MAPT: variants seen among roughly 807,000 people sequenced by gnomAD.
The protein encoded by MAPT is microtubule-associated protein tau.
A neutral mutation model predicts 67.9 loss-of-function variants in MAPT; 34 were observed. That is an observed-to-expected ratio of 0.50 (90% CI 0.38 to 0.67). The LOEUF is 0.67. Ranked by LOEUF, MAPT falls within the 30% of genes least tolerant of loss-of-function variation. The pLI is 0.00. For missense variants in MAPT, 881 were observed against 1,115.2 expected, an observed-to-expected ratio of 0.79 and a Z score of 2.99; for synonymous variants, 456 against 464.5, an observed-to-expected ratio of 0.98 and a Z score of 0.23.
At chr17:45,924,549 C>A (rs969635534) in intron 1 of MAPT, among the ~76,000 whole-genome samples, 5 of 152,224 alleles carry the variant, frequency 3.3e-5, no homozygotes, top group Admixed American at 3.3e-4. Flanking sequence ...CCCTGGGGTG[C>A]CTGTGATGCC....
At chr17:45,948,245 A>G (rs1402030889) in intron 1 of MAPT, among the ~76,000 whole-genome samples, 2 of 152,102 alleles carry the variant, frequency 1.3e-5, no homozygotes, top group Non-Finnish European at 2.9e-5. Flanking sequence ...GCCTCAAGTG[A>G]TCTGCCCACC....
intron 1 of MAPT, among the ~76,000 whole-genome samples, chr17:45,903,938 A>C (rs2063871914): frequency 4.4e-5 from 1 of 22,876 alleles, no homozygotes; most frequent in African/African-American, 1.7e-4. Context: ...TTATATATTT[A>C]TATATAATAT....
At chr17:45,943,877 CG>C (rs1157643107) in intron 1 of MAPT, among the ~76,000 whole-genome samples, 2 of 152,184 alleles carry the variant, frequency 1.3e-5, no homozygotes, top group Admixed American at 1.3e-4. Context: ...GAGACCTTCC[CG>C]GAAGTTGCCC....
chr17:45,922,342 T>A (rs1444315632), intron 1 of MAPT, among the ~76,000 whole-genome samples: 2 of 152,156 alleles, frequency 1.3e-5, no homozygotes, highest in Non-Finnish European at 2.9e-5. Flanking sequence ...TAACTAGGGA[T>A]GTTTTATCAA....
chr17:45,966,351 G>A (rs117977938), intron 2 of MAPT, among the ~76,000 whole-genome samples: 1 of 152,154 alleles, frequency 6.6e-6, no homozygotes, highest in Non-Finnish European at 1.5e-5. Flanking sequence ...ACTTCGGAAG[G>A]CTGAGGCAGG....
At chr17:45,997,569 C>G (rs536129506) in intron 9 of MAPT, among the ~76,000 whole-genome samples, 1 of 152,246 alleles carries the variant, frequency 6.6e-6, no homozygotes, top group East Asian at 1.9e-4. Context: ...ACCAACCTGA[C>G]CAACAGGGTG....
chr17:45,935,096 A>G (rs946396220), intron 1 of MAPT, among the ~76,000 whole-genome samples: 2 of 152,170 alleles, frequency 1.3e-5, no homozygotes, highest in African/African-American at 4.8e-5. Context: ...AGAGCCCCTC[A>G]TGAGAATTTG....
rs1426205227 is a variant in MAPT, at chr17:45,915,282, TG to T, written c.-18+20601del. 4.0e-5 allele frequency among the ~76,000 whole-genome samples: 6 copies of T among 149,192 alleles called. No individual in the cohort carries two copies. The highest frequency in any genetic ancestry group is 2.0e-4 in the East Asian group (1 of 5,018). On this transcript the variant is annotated intron_variant, in intron 1 of 12. Coordinates refer to ENST00000262410, the MANE Select transcript of MAPT (RefSeq NM_001377265.1). The surrounding 1 kb of genome is among the most constrained non-coding windows in gnomAD (Gnocchi z 4.4). ...AGCATGAGTGTGTATGTGTGTGGTG[TG>T]GGGGTGTGTGCTGTGTGAGCGTGTG...
rs1456103222 is a variant in MAPT, at chr17:45,983,399, G to A, written c.820G>A (p.Glu274Lys). 3.1e-6 allele frequency: 5 copies of A among 1,607,500 alleles called. No individual in the cohort carries two copies. The South Asian group carries it at 5.5e-5, about 18-fold the overall frequency. Residue 274 changes from glutamate (E) to lysine (K), a missense_variant, in exon 5 of 13, where the codon GAG becomes AAG. Glu to Lys is a moderately conservative substitution (Grantham distance 56). This residue lies in a region of MAPT where 687 missense variants were observed against 766.1 expected (regional missense o/e 0.90). Coordinates refer to ENST00000262410, the MANE Select transcript of MAPT (RefSeq NM_001377265.1). ...CCAGCTTCTAGGAGACCTGCACCAGGAGGGGCCGCCGCTGAAGGGGGCAGG... is the reference window on the plus strand; with the variant it reads ...CCAGCTTCTAGGAGACCTGCACCAGAAGGGGCCGCCGCTGAAGGGGGCAGG... ...KHQLLGDLHQ[E>K]GPPLKGAGGK...
At chr17:45,923,767 T>G (rs1297434107) in intron 1 of MAPT, among the ~76,000 whole-genome samples, 6 of 152,236 alleles carry the variant, frequency 3.9e-5, no homozygotes, top group Non-Finnish European at 7.3e-5. Flanking sequence ...TTTGTTCATA[T>G]GGCAGTGAAG....
intron 9 of MAPT, among the ~76,000 whole-genome samples, chr17:46,007,442 G>A (rs1598370063): frequency 1.3e-5 from 2 of 152,150 alleles, no homozygotes; most frequent in South Asian, 4.2e-4. Flanking sequence ...AGCTACGATG[G>A]CGCCACTGCA....
intron 12 of MAPT, 30 bp from the exon 13 acceptor site, chr17:46,023,926 C>G: frequency 6.3e-7 from 1 of 1,598,802 alleles, no homozygotes; most frequent in Non-Finnish European, 8.6e-7. Flanking sequence ...GGCACTTCAT[C>G]TCACCCTCCC....
chr17:45,907,168 C>T (rs984754533), intron 1 of MAPT, among the ~76,000 whole-genome samples: 2 of 152,152 alleles, frequency 1.3e-5, no homozygotes, highest in Non-Finnish European at 2.9e-5. Flanking sequence ...TGCCCAGTCC[C>T]GCCTCCTGCC....
intron 1 of MAPT, among the ~76,000 whole-genome samples, chr17:45,955,547 A>G (rs1211674382): frequency 6.6e-6 from 1 of 152,140 alleles, no homozygotes; most frequent in Non-Finnish European, 1.5e-5. Context: ...CAGCGTGTCC[A>G]GTGGTTTACC....
intron 1 of MAPT, among the ~76,000 whole-genome samples, chr17:45,932,451 A>G (rs1454218453): frequency 2.0e-5 from 3 of 151,884 alleles, no homozygotes; most frequent in African/African-American, 4.8e-5. Flanking sequence ...TTAGCCAGGC[A>G]TGATGGTGGG....
At chr17:46,021,932 C>A (rs1394493032) in intron 12 of MAPT, among the ~76,000 whole-genome samples, 1 of 152,218 alleles carries the variant, frequency 6.6e-6, no homozygotes, top group Non-Finnish European at 1.5e-5. Context: ...GTGGGGCACA[C>A]CACCAGCCTC....
intron 1 of MAPT, among the ~76,000 whole-genome samples, chr17:45,903,904 TTATATATTATATATTTA>T (rs2063852262): frequency 7.3e-5 from 2 of 27,354 alleles, no homozygotes; most frequent in Admixed American, 6.8e-4. Context: ...TTATATATAT[TTATATATTATATATTTA>T]TATATATTAT....
chr17:45,987,155 T>C, intron 6 of MAPT, 60 bp downstream of exon 6: 1 of 1,463,722 alleles, frequency 6.8e-7, no homozygotes, highest in South Asian at 1.1e-5. Flanking sequence ...AGCTGTGCTT[T>C]ATGTCTGATT....
rs2071629455 is a variant in MAPT, at chr17:45,971,251, C to T, written c.134-608C>T. On this transcript the variant is annotated intron_variant, in intron 2 of 12. Transcript: ENST00000262410. The surrounding 1 kb of genome is among the most constrained non-coding windows in gnomAD (Gnocchi z 4.3). ...ATTTGGGCCTCTCTTGCCCAGGCTT[C>T]CCATTCTGAAAGGACAGTTTTATTG... Among the ~76,000 whole-genome samples, 1 of 152,206 alleles carries T rather than the reference C, an allele frequency of 6.6e-6. No individual in the cohort carries two copies. The highest frequency in any genetic ancestry group is 1.5e-5 in the Non-Finnish European group (1 of 68,032).
Sources: gnomAD v4.1 joint callset for allele counts (sites outside exome capture counted in the v4.1 genomes callset) on GRCh38, gnomAD v4.1.1 for gene constraint, gnomAD v4.1.1 regional missense constraint, Gnocchi (gnomAD v3.1) non-coding constraint, MANE v1.5 for transcripts, NCBI Gene and HGNC (gene_info 2026-07-23, HGNC 2026-07-21) for gene names.